KLHL32: variants seen among roughly 807,000 people sequenced by gnomAD.
KLHL32 encodes the protein kelch-like protein 32.
KLHL32 carries 35 observed loss-of-function variants against 64.8 expected under a neutral mutation model. The observed-to-expected ratio is 0.54, with a 90% CI of 0.41 to 0.72. The LOEUF is 0.72. Ranked by LOEUF, KLHL32 falls within the 30% of genes least tolerant of loss-of-function variation. The pLI, the probability that KLHL32 is intolerant of heterozygous loss-of-function variation, is 0.00. For missense variants in KLHL32, 589 were observed against 768.5 expected (o/e 0.77, Z 2.76); for synonymous variants, 259 against 281.0 (o/e 0.92, Z 0.78).
intron 3 of KLHL32, among the ~76,000 whole-genome samples, chr6:96,979,047 G>A (rs1269482397): frequency 6.6e-6 from 1 of 152,050 alleles, no homozygotes; most frequent in Non-Finnish European, 1.5e-5. Flanking sequence ...CTGGATAGTA[G>A]ATCTTTGTCA....
At chr6:97,096,551 T>C (rs1261644437) in intron 6 of KLHL32, among the ~76,000 whole-genome samples, 1 of 152,272 alleles carries the variant, frequency 6.6e-6, no homozygotes, top group Non-Finnish European at 1.5e-5. Context: ...GTTTCAGTTC[T>C]CTCCAAATCC....
chr6:96,994,944 C>A (rs1476422022), intron 3 of KLHL32, among the ~76,000 whole-genome samples: 1 of 152,176 alleles, frequency 6.6e-6, no homozygotes, highest in African/African-American at 2.4e-5. Context: ...CTGTTCTGTT[C>A]ACCATTGTTT....
chr6:97,023,749 C>T (rs1239898994), intron 3 of KLHL32, among the ~76,000 whole-genome samples: 2 of 152,146 alleles, frequency 1.3e-5, no homozygotes, highest in East Asian at 3.9e-4. Flanking sequence ...TCACCTGAAG[C>T]CACTAGAGAA....
intron 5 of KLHL32, among the ~76,000 whole-genome samples, chr6:97,075,169 G>C (rs1396829771): frequency 6.6e-6 from 1 of 152,118 alleles, no homozygotes; most frequent in African/African-American, 2.4e-5. Context: ...CAGCACAAAT[G>C]TATTTAAATA....
intron 4 of KLHL32, among the ~76,000 whole-genome samples, chr6:97,051,755 A>C (rs957371969): frequency 1.3e-5 from 2 of 152,184 alleles, no homozygotes; most frequent in Admixed American, 6.5e-5. Flanking sequence ...TTAATCATTT[A>C]TATAGTGGGG....
At chr6:97,119,527 A>G (rs1798147142) in intron 7 of KLHL32, among the ~76,000 whole-genome samples, 1 of 152,220 alleles carries the variant, frequency 6.6e-6, no homozygotes, top group Non-Finnish European at 1.5e-5. Flanking sequence ...ATTGTAGTGA[A>G]AGCAGTTTCA....
chr6:96,976,295 G>A, intron 3 of KLHL32, 118 bp downstream of exon 3: 1 of 946,990 alleles, frequency 1.1e-6, no homozygotes, highest in Non-Finnish European at 1.5e-6. Flanking sequence ...GAATGGTGGG[G>A]GCCTTTGTTC....
At chr6:96,982,796 T>G (rs990075600) in intron 3 of KLHL32, among the ~76,000 whole-genome samples, 29 of 152,232 alleles carry the variant, frequency 1.9e-4, no homozygotes, top group Non-Finnish European at 3.7e-4. Context: ...ACGATGGGGT[T>G]TTCTAGATAT....
At chr6:96,917,207 G>A in the KLHL32 span, among the ~76,000 whole-genome samples, 3 of 152,152 alleles carry the variant, frequency 2.0e-5, no homozygotes, top group African/African-American at 7.2e-5. Flanking sequence ...ATTAAATGCT[G>A]GGAAGTATGC....
At chr6:96,913,470 T>C in the KLHL32 span, among the ~76,000 whole-genome samples, 2 of 152,200 alleles carry the variant, frequency 1.3e-5, no homozygotes, top group Admixed American at 1.3e-4. Flanking sequence ...GCCCTAATTT[T>C]AGTGTTTGCT....
In KLHL32 at chr6:96,979,584, T is replaced by C. The variant is rs542539890; in HGVS notation, c.204+3407T>C. Among the ~76,000 whole-genome samples the C allele has an allele frequency of 2.0e-5, 3 of 152,246 alleles. No individual in the cohort carries two copies. In the South Asian group the frequency reaches 6.2e-4, roughly 32 times the overall value. On this transcript the variant is annotated intron_variant, in intron 3 of 10. Transcript: ENST00000369261. ...ACTTGGGTAATGTGACTTCAAACTA[T>C]ACTACAAACAATACTACAGCTTTGT... is the stretch of plus-strand genomic sequence containing the variant.
rs11967824 is a variant in KLHL32, at chr6:96,977,228, T to A, written c.204+1051T>A. Among the ~76,000 whole-genome samples the A allele has an allele frequency of 9.1e-3, 1,389 of 152,312 alleles. 24 individuals carry two copies. Among genetic ancestry groups the A allele is most frequent in the African/African-American group, 0.032 (1,334 of 41,568 alleles). ...CACATATATATACATATTATTAAAA[T>A]GACCATTTTGCATATATGGAAACAA... On this transcript the variant is annotated intron_variant, in intron 3 of 10. Transcript: ENST00000369261.
At chr6:97,059,716 A>T (rs148501231) in intron 4 of KLHL32, among the ~76,000 whole-genome samples, 66 of 152,344 alleles carry the variant, frequency 4.3e-4, no homozygotes, top group African/African-American at 1.6e-3. Context: ...AATTTCTCAT[A>T]GCTAGATAGA....
chr6:96,978,787 T>C (rs549204958), intron 3 of KLHL32, among the ~76,000 whole-genome samples: 1 of 152,324 alleles, frequency 6.6e-6, no homozygotes, highest in South Asian at 2.1e-4. Context: ...CTCTTTTCTC[T>C]GCAACCTCTC....
At chr6:96,996,183 T>C (rs1229506108) in intron 3 of KLHL32, among the ~76,000 whole-genome samples, 4 of 152,264 alleles carry the variant, frequency 2.6e-5, no homozygotes, top group Non-Finnish European at 4.4e-5. Context: ...TAAATCTCCA[T>C]GAACGCCTAC....
At chr6:97,099,058 G>A (rs1795354609) in intron 6 of KLHL32, among the ~76,000 whole-genome samples, 1 of 152,182 alleles carries the variant, frequency 6.6e-6, no homozygotes, top group Admixed American at 6.5e-5. Flanking sequence ...CTTAAAGAAA[G>A]CATAACTCAT....
chr6:97,080,732 C>T lies in KLHL32; in HGVS notation c.412-4394C>T, dbSNP rs1792371284. 2.0e-5 allele frequency among the ~76,000 whole-genome samples: 3 copies of T among 152,182 alleles called. No homozygotes were observed. The South Asian group carries it at 6.2e-4, about 31-fold the overall frequency. On this transcript the variant is annotated intron_variant, in intron 5 of 10. Transcript: ENST00000369261. ...TGGTGAACAAACCAGCAGCTCCTTC[C>T]TCCCATGGAGCTTACTGGGGGATCA... is the stretch of plus-strand genomic sequence containing the variant.
At chr6:96,931,715 CTT>C (rs1370802568) in intron 1 of KLHL32, among the ~76,000 whole-genome samples, 2 of 152,058 alleles carry the variant, frequency 1.3e-5, no homozygotes, top group Non-Finnish European at 2.9e-5. Flanking sequence ...TTACTCATTT[CTT>C]TATAGCTCCA....
At chr6:97,067,647 C>T (rs111928032) in intron 5 of KLHL32, among the ~76,000 whole-genome samples, 25 of 152,316 alleles carry the variant, frequency 1.6e-4, no homozygotes, top group African/African-American at 5.8e-4. Context: ...ACTGCTAAGT[C>T]ACCCCTTAAC....
Sources: gnomAD v4.1 joint callset for allele counts (sites outside exome capture counted in the v4.1 genomes callset) on GRCh38, gnomAD v4.1.1 for gene constraint, MANE v1.5 for transcripts, NCBI Gene and HGNC (gene_info 2026-07-23, HGNC 2026-07-21) for gene names.